Variants in PLAC1 observed in about 807,000 individuals in gnomAD.
PLAC1 encodes placenta associated 1, also known as placenta-specific protein 1.
For synonymous variants in PLAC1, 68 were observed against 62.1 expected, an observed-to-expected ratio of 1.09 and a Z score of -0.44; for missense variants, 136 against 163.2, an observed-to-expected ratio of 0.83 and a Z score of 0.91.
chrX:134,590,329 G>A (rs187866386), intron 2 of PLAC1, among the ~76,000 whole-genome samples: 174 of 111,356 alleles, frequency 1.6e-3, no homozygotes, highest in Non-Finnish European at 2.7e-3. Context: ...CAACATATAC[G>A]TACTGAGCAC....
chrX:134,709,559 G>A (rs1257337545), intron 2 of PLAC1, among the ~76,000 whole-genome samples: 1 of 110,958 alleles, frequency 9.0e-6, no homozygotes, highest in Admixed American at 9.6e-5. Context: ...CCGGGATCGC[G>A]CCACTGCACT....
chrX:134,745,613 T>A (rs2078727401), intron 1 of PLAC1, among the ~76,000 whole-genome samples: 1 of 111,745 alleles, frequency 8.9e-6, no homozygotes, highest in African/African-American at 3.3e-5. Context: ...TTAAGGTCTA[T>A]CTCAGTGACC....
chrX:134,689,953 A>G (rs2078530774), intron 2 of PLAC1, among the ~76,000 whole-genome samples: 1 of 111,925 alleles, frequency 8.9e-6, no homozygotes, highest in African/African-American at 3.3e-5. Flanking sequence ...AACCATCACC[A>G]CCATCTATCT....
At position 134,566,460 on chromosome X, in the gene PLAC1, A is replaced by G; in HGVS notation, c.223T>C (p.Tyr75His). ...HVQPHAYQFT[Y>H]RVTECGIRAK... Reference sequence around the variant, plus strand: ...CTGATGCCACATTCAGTAACACGGTAGGTGAACTGGTAGGCGTGTGGCTGA... The same window carrying G: ...CTGATGCCACATTCAGTAACACGGTGGGTGAACTGGTAGGCGTGTGGCTGA... Residue 75 changes from tyrosine (Y) to histidine (H), a missense_variant, in exon 3 of 3, where the codon TAC becomes CAC. Transcript: ENST00000359237. The G allele has an allele frequency of 8.3e-7, 1 of 1,211,860 alleles. No individual in the cohort carries two copies.
intron 2 of PLAC1, among the ~76,000 whole-genome samples, chrX:134,681,886 T>C (rs1281362257): frequency 8.9e-6 from 1 of 112,176 alleles, no homozygotes; most frequent in Non-Finnish European, 1.9e-5. Flanking sequence ...TTGTTGTGTA[T>C]CAGTTTCCCA....
chrX:134,580,091 G>C lies in PLAC1; in HGVS notation c.-58-13351C>G, dbSNP rs184396006. The stretch of plus-strand genomic sequence containing the variant: ...CAGGCCACTGGGATTTTTGAAACTT[G>C]GATATTTTGTCTTATACAAAGAGCA... On this transcript the variant is annotated intron_variant, in intron 2 of 2. Transcript: ENST00000359237. Among the ~76,000 whole-genome samples the C allele has an allele frequency of 5.0e-3, 557 of 112,031 alleles. 1 individual carries two copies. Among genetic ancestry groups the C allele is most frequent in the African/African-American group, 0.016 (503 of 30,877 alleles).
intron 2 of PLAC1, among the ~76,000 whole-genome samples, chrX:134,673,923 A>G (rs943819539): frequency 5.3e-5 from 6 of 113,147 alleles, no homozygotes; most frequent in African/African-American, 9.6e-5. Context: ...GGGGCTGGGT[A>G]GGACCGTTCA....
intron 2 of PLAC1, among the ~76,000 whole-genome samples, chrX:134,667,501 G>A (rs1284776547): frequency 8.9e-6 from 1 of 112,182 alleles, no homozygotes; most frequent in East Asian, 2.8e-4. Context: ...TAGGATGGCT[G>A]TAATAAAAAA....
chrX:134,679,991 C>G (rs2078488930), intron 2 of PLAC1, among the ~76,000 whole-genome samples: 3 of 111,858 alleles, frequency 2.7e-5, no homozygotes, highest in Admixed American at 9.5e-5. Flanking sequence ...GATCAAGCCA[C>G]TGAGCAGAGT....
rs148274088 is a variant in PLAC1, at chrX:134,638,674, G to A, written c.-131+19654C>T. Among the ~76,000 whole-genome samples the A allele has an allele frequency of 4.1e-3, 451 of 110,735 alleles. 15 individuals are homozygous for A. In the East Asian group the frequency reaches 0.097, roughly 24 times the overall value. ...GTGTCAACATCTGCAGCATAATTCC[G>A]GGTGGTATAATTCTTTGGTCCTGCT... On this transcript the variant is annotated intron_variant, in intron 1 of 2. Coordinates refer to ENST00000359237, the MANE Select transcript of PLAC1 (RefSeq NM_021796.4).
chrX:134,676,491 TGTCCCAGA>T (rs1457993452), intron 2 of PLAC1, among the ~76,000 whole-genome samples: 1 of 112,054 alleles, frequency 8.9e-6, no homozygotes, highest in Middle Eastern at 4.2e-3. Context: ...AAGCTTGTAT[TGTCCCAGA>T]GATGATAAGA....
At chrX:134,589,703 G>A (rs1193392264) in intron 2 of PLAC1, among the ~76,000 whole-genome samples, 1 of 96,216 alleles carries the variant, frequency 1.0e-5, no homozygotes, top group Non-Finnish European at 2.1e-5. Context: ...CTCCAGCCTG[G>A]GTGACAGAGC....
rs752955065 is a variant in PLAC1 at position 134,583,388 on chromosome X, C to CTTT, written c.-58-16651_-58-16649dup. On this transcript the variant is annotated intron_variant, in intron 2 of 2. Transcript: ENST00000359237. ...CACAGGCGTGAGCCACTATGCCTGG[C>CTTT]TTTTTTTTTTTTTTTTTTGGCTTAC... 2.2e-3 allele frequency among the ~76,000 whole-genome samples: 147 copies of CTTT among 66,609 alleles called. 1 individual carries two copies. The highest frequency in any genetic ancestry group is 7.9e-3 in the African/African-American group (135 of 17,051). The allele number at this position is 66,609 out of a possible 115,157, so 57.8% of individuals were successfully genotyped here. A position where few individuals can be genotyped will look rare whatever the true frequency, so the allele number is the denominator to read the frequency against.
chrX:134,590,013 G>A (rs1333000123), intron 2 of PLAC1, among the ~76,000 whole-genome samples: 2 of 89,448 alleles, frequency 2.2e-5, no homozygotes, highest in Non-Finnish European at 4.4e-5. Flanking sequence ...GGCTAACATG[G>A]TGAAAACCCA....
At chrX:134,762,196 ACC>A (rs143993606) in intron 1 of PLAC1, among the ~76,000 whole-genome samples, 16 of 92,501 alleles carry the variant, frequency 1.7e-4, no homozygotes, top group Admixed American at 1.2e-3. Flanking sequence ...CTGTTGAGGC[ACC>A]CCCCCCCCAA....
chrX:134,574,006 A>G (rs1255298416), intron 2 of PLAC1, among the ~76,000 whole-genome samples: 1 of 110,761 alleles, frequency 9.0e-6, no homozygotes, highest in Non-Finnish European at 1.9e-5. Flanking sequence ...ATATCGGAGT[A>G]GGTAAAGATG....
chrX:134,602,744 C>A (rs2078094685), intron 1 of PLAC1, among the ~76,000 whole-genome samples: 1 of 110,164 alleles, frequency 9.1e-6, no homozygotes, highest in Non-Finnish European at 1.9e-5. Flanking sequence ...GATTCAATTT[C>A]TGGGCATTCT....
intron 1 of PLAC1, among the ~76,000 whole-genome samples, chrX:134,642,338 C>A (rs1486753448): frequency 9.0e-6 from 1 of 111,683 alleles, no homozygotes; most frequent in African/African-American, 3.3e-5. Flanking sequence ...ACTAGGAGCT[C>A]CTTTGTGAGA....
chrX:134,679,704 T>C (rs2078487544), intron 2 of PLAC1, among the ~76,000 whole-genome samples: 1 of 112,263 alleles, frequency 8.9e-6, no homozygotes, highest in Non-Finnish European at 1.9e-5. Flanking sequence ...TTAAGTCTCC[T>C]AGATTCATGG....
Sources: gnomAD v4.1 joint callset for allele counts (sites outside exome capture counted in the v4.1 genomes callset) on GRCh38, gnomAD v4.1.1 for gene constraint, MANE v1.5 for transcripts, NCBI Gene and HGNC (gene_info 2026-07-23, HGNC 2026-07-21) for gene names.